DAND5: variants seen among roughly 807,000 people sequenced by gnomAD.
DAND5 encodes DAN domain BMP antagonist family member 5, also known as DAN domain family member 5.
In DAND5, 8 loss-of-function variants were observed where a neutral mutation model predicts 9.2. The observed-to-expected ratio is 0.87, with a 90% CI of 0.51 to 1.56. The LOEUF (loss-of-function observed/expected upper bound fraction) is 1.56. DAND5 is among the 40% of genes most tolerant of loss of function. The pLI is 0.00. For missense variants in DAND5, 244 were observed against 244.7 expected (o/e 1.00, Z 0.02); for synonymous variants, 95 against 101.1 (o/e 0.94, Z 0.36).
intron 1 of DAND5, among the ~76,000 whole-genome samples, chr19:12,973,078 G>T (rs559634781): frequency 9.3e-5 from 14 of 151,244 alleles, no homozygotes; most frequent in African/African-American, 2.7e-4. Context: ...TGGCCAGGAT[G>T]GTCTCGATCT....
chr19:12,970,355 C>T (rs2011140021), intron 1 of DAND5: 4 of 657,778 alleles, frequency 6.1e-6, no homozygotes, highest in South Asian at 3.4e-5. Flanking sequence ...TGTTACCTCC[C>T]TGATTTCACC....
rs193210231 is a variant in DAND5, at chr19:12,973,052, C to T, written c.325-337C>T. Among the ~76,000 whole-genome samples the T allele has an allele frequency of 6.4e-3, 971 of 151,200 alleles. 19 individuals are homozygous for T. The highest frequency in any genetic ancestry group is 0.011 in the East Asian group (57 of 5,102). The stretch of plus-strand genomic sequence containing the variant: ...TCATTTTTTGTATTTTTAGTAGAGA[C>T]GGGGTTTCACCGTGTTGGCCAGGAT... On this transcript the variant is annotated intron_variant, in intron 1 of 1. Transcript: ENST00000317060.
rs1406257649 is a variant in DAND5, at chr19:12,973,667, G to A, written c.*33G>A. 12 of 1,597,766 alleles carry A rather than the reference G, an allele frequency of 7.5e-6. No individual in the cohort carries two copies. Among genetic ancestry groups the A allele is most frequent in the Non-Finnish European group, 9.4e-6 (11 of 1,171,158 alleles). On this transcript the variant is annotated 3_prime_UTR_variant, in exon 2 of 2. Coordinates refer to ENST00000317060, the MANE Select transcript of DAND5 (RefSeq NM_152654.3). The stretch of plus-strand genomic sequence containing the variant: ...ATCGTGGATGGGTGCACGGAGACAC[G>A]CACCTTGGAGAAATGAGGGGAGATG...
Position 12,969,797 on chromosome 19 carries a change from G to A in DAND5, c.137G>A (p.Gly46Glu). 7 of 1,597,458 alleles carry A rather than the reference G, an allele frequency of 4.4e-6. No homozygotes were observed. The highest frequency in any genetic ancestry group is 5.1e-6 in the Non-Finnish European group (6 of 1,172,656). Residue 46 changes from glycine to glutamate, a missense_variant, in exon 1 of 2, where the codon GGG becomes GAG. Physicochemically the swap from Gly to Glu is moderately conservative, Grantham distance 98. Transcript: ENST00000317060. The part of the protein sequence containing the change: ...AANQTWALGP[G>E]ALPPLVPASA... ...AATCAGACCTGGGCTCTGGGCCCAG[G>A]GGCCCTGCCCCCACTGGTGCCAGCT...
At chr19:12,972,894 C>T (rs566918546) in intron 1 of DAND5, among the ~76,000 whole-genome samples, 143 of 131,330 alleles carry the variant, frequency 1.1e-3, no homozygotes, top group African/African-American at 3.5e-3. Flanking sequence ...GACGGAGTCT[C>T]GCTCTGTCCC....
Position 12,973,948 on chromosome 19 carries a change from C to T in DAND5, c.*314C>T, listed in dbSNP as rs563723162. On this transcript the variant is annotated 3_prime_UTR_variant, in exon 2 of 2. Coordinates refer to ENST00000317060, the MANE Select transcript of DAND5 (RefSeq NM_152654.3). ...CGCAATCTCAGCTCACTGCAAGCTC[C>T]ACCTCCCGGGTTTATGCCATTCTCC... The T allele has an allele frequency of 2.6e-4, 71 of 274,860 alleles. No homozygotes were observed. The highest frequency in any genetic ancestry group is 4.1e-4 in the Non-Finnish European group (59 of 142,954). The allele number at this position is 274,860 out of a possible 1,614,324, so 17.0% of individuals were successfully genotyped here.
Position 12,969,955 on chromosome 19 carries a change from G to C in DAND5, c.295G>C (p.Gly99Arg). The stretch of plus-strand genomic sequence containing the variant: ...GCTGAACCCTCAGGAAGTGATCCAG[G>C]GGATGTGTAAGGCTGTGCCCTTCGT... ...LPLNPQEVIQ[G>R]MCKAVPFVQV... Residue 99 changes from glycine to arginine, a missense_variant, in exon 1 of 2, where the codon GGG becomes CGG. Physicochemically the swap from Gly to Arg is moderately radical, Grantham distance 125. Coordinates refer to ENST00000317060, the MANE Select transcript of DAND5 (RefSeq NM_152654.3). 6.2e-7 allele frequency: 1 copy of C among 1,614,104 alleles called. No homozygotes were observed. The highest frequency in any genetic ancestry group is 8.5e-7 in the Non-Finnish European group (1 of 1,180,038).
chr19:12,972,378 T>A (rs2011149836), intron 1 of DAND5, among the ~76,000 whole-genome samples: 1 of 151,900 alleles, frequency 6.6e-6, no homozygotes, highest in African/African-American at 2.4e-5. Context: ...AATTTTTTTT[T>A]TTTAATTTCT....
chr19:12,973,249 C>A, intron 1 of DAND5, 140 bp from the exon 2 acceptor site: 1 of 1,185,502 alleles, frequency 8.4e-7, no homozygotes, highest in Non-Finnish European at 1.2e-6. Context: ...CAAGAGACAG[C>A]AGAGTCAGGA....
chr19:12,973,604 C>T lies in DAND5; in HGVS notation c.540C>T (p.Ile180=), dbSNP rs200839356. Residue 180 remains isoleucine, a synonymous_variant, in exon 2 of 2, where the codon ATC becomes ATT. Transcript: ENST00000317060. The part of the protein sequence containing the change: ...RRRVKISTML[I]EGCHCSPKA The stretch of plus-strand genomic sequence containing the variant: ...GGGTGAAGATATCCACCATGCTGAT[C>T]GAGGGGTGTCACTGCAGCCCAAAAG... 5 of 1,614,054 alleles carry T rather than the reference C, an allele frequency of 3.1e-6. No homozygotes were observed. The highest frequency in any genetic ancestry group is 1.3e-5 in the African/African-American group (1 of 75,014).
chr19:12,973,739 C>T lies in DAND5; in HGVS notation c.*105C>T. ...GGATGATGTACTCTGGGTCAAGAGA[C>T]CAGGGATGCAGGGTTAGGCAGACAG... On this transcript the variant is annotated 3_prime_UTR_variant, in exon 2 of 2. Transcript: ENST00000317060. 2 of 1,522,580 alleles carry T rather than the reference C, an allele frequency of 1.3e-6. No individual in the cohort carries two copies. Among genetic ancestry groups the T allele is most frequent in the Non-Finnish European group, 1.8e-6 (2 of 1,134,650 alleles). 94.3% of individuals were successfully genotyped at this position (1,522,580 alleles called of 1,614,324 possible).
chr19:12,972,885 A>G (rs2011152231), intron 1 of DAND5, among the ~76,000 whole-genome samples: 1 of 114,402 alleles, frequency 8.7e-6, no homozygotes, highest in Admixed American at 1.1e-4. Flanking sequence ...TTTTTTTGAG[A>G]CGGAGTCTCG....
rs752267613 is a variant in DAND5 at position 12,973,553 on chromosome 19, C to A, written c.489C>A (p.Leu163=). Residue 163 remains leucine (L), a synonymous_variant, in exon 2 of 2, where the codon CTC becomes CTA. Transcript: ENST00000317060. ...GGGCACCCGTGGTCCTGTGGTGTCT[C>A]ACTGGCAGCTCAGCCTCCCGTCGAC... ...KRWAPVVLWC[L]TGSSASRRRV... 6.2e-7 allele frequency: 1 copy of A among 1,614,060 alleles called. No homozygotes were observed. Among genetic ancestry groups the A allele is most frequent in the Admixed American group, 1.7e-5 (1 of 59,976 alleles).
At chr19:12,972,867 T>C (rs1470863857) in intron 1 of DAND5, among the ~76,000 whole-genome samples, 1 of 145,398 alleles carries the variant, frequency 6.9e-6, no homozygotes, top group African/African-American at 2.5e-5. Context: ...TTTTCTTTTT[T>C]TTTTTTTTTT....
intron 1 of DAND5, among the ~76,000 whole-genome samples, chr19:12,970,810 A>G (rs28416800): frequency 0.016 from 2,398 of 152,038 alleles, 69 homozygotes; most frequent in African/African-American, 0.055. Flanking sequence ...CCTCCCAAGT[A>G]ATTGAGATTA....
At position 12,973,781 on chromosome 19, in the gene DAND5, C is replaced by T; in HGVS notation, c.*147C>T. On this transcript the variant is annotated 3_prime_UTR_variant, in exon 2 of 2. Coordinates refer to ENST00000317060, the MANE Select transcript of DAND5 (RefSeq NM_152654.3). Reference sequence around the variant, plus strand: ...GGCAGACAGGTCCCCAGAGTCCTCACCCTGCTCCCCAGACAGTAGACACAG... The same window carrying T: ...GGCAGACAGGTCCCCAGAGTCCTCATCCTGCTCCCCAGACAGTAGACACAG... The T allele has an allele frequency of 1.7e-6, 2 of 1,209,614 alleles. No homozygotes were observed. Among genetic ancestry groups the T allele is most frequent in the Non-Finnish European group, 2.3e-6 (2 of 883,140 alleles). 74.9% of individuals were successfully genotyped at this position (1,209,614 alleles called of 1,614,324 possible). A position where few individuals can be genotyped will look rare whatever the true frequency, so the allele number is the denominator to read the frequency against.
chr19:12,973,158 G>A (rs185757092), intron 1 of DAND5, among the ~76,000 whole-genome samples: 100 of 152,266 alleles, frequency 6.6e-4, no homozygotes, highest in East Asian at 5.0e-3. Flanking sequence ...CACCGCGCCC[G>A]GCCCTTGTTG....
rs940704054 is a variant in DAND5, at chr19:12,973,991, T to C, written c.*357T>C. ...CATTCTCCTGTCTCAGCCTCCCGAG[T>C]AGCTGGGACTACAGGCACCCGCCAA... On this transcript the variant is annotated 3_prime_UTR_variant, in exon 2 of 2. Transcript: ENST00000317060. 9 of 216,544 alleles carry C rather than the reference T, an allele frequency of 4.2e-5. No homozygotes were observed. The highest frequency in any genetic ancestry group is 3.2e-4 in the Admixed American group (6 of 19,016). 13.4% of individuals were successfully genotyped at this position (216,544 alleles called of 1,614,324 possible).
chr19:12,973,053 G>A lies in DAND5; in HGVS notation c.325-336G>A, dbSNP rs372069825. On this transcript the variant is annotated intron_variant, in intron 1 of 1. Transcript: ENST00000317060. The stretch of plus-strand genomic sequence containing the variant: ...CATTTTTTGTATTTTTAGTAGAGAC[G>A]GGGTTTCACCGTGTTGGCCAGGATG... Among the ~76,000 whole-genome samples the A allele has an allele frequency of 5.0e-3, 753 of 151,482 alleles. 5 individuals carry two copies. The highest frequency in any genetic ancestry group is 0.01 in the Middle Eastern group (3 of 290).
Sources: allele counts gnomAD v4.1 joint callset (sites outside exome capture counted in the v4.1 genomes callset), GRCh38; gene constraint gnomAD v4.1.1; transcripts MANE v1.5; gene names NCBI Gene and HGNC (gene_info 2026-07-23, HGNC 2026-07-21).